The following NID1 variants were observed in gnomAD, a reference collection of about 807,000 sequenced individuals.
The protein encoded by NID1 is nidogen 1.
A neutral mutation model predicts 130.6 loss-of-function variants in NID1; 76 were observed. The ratio of observed to expected loss-of-function variants is 0.58; its 90% CI spans 0.48 to 0.70. NID1 has a LOEUF of 0.70. Ranked by LOEUF, NID1 falls within the 30% of genes least tolerant of loss-of-function variation. The pLI, the probability that NID1 is intolerant of heterozygous loss-of-function variation, is 0.00. For synonymous variants in NID1, 665 were observed against 675.1 expected (o/e 0.98, Z 0.23); for missense variants, 1,517 against 1,664.8 (o/e 0.91, Z 1.54).
chr1:236,044,339 A>G (rs1447947351), intron 3 of NID1, among the ~76,000 whole-genome samples: 1 of 152,246 alleles, frequency 6.6e-6, no homozygotes, highest in African/African-American at 2.4e-5. Context: ...ATTTTTTAAA[A>G]GGAAAAAATA....
intron 1 of NID1, among the ~76,000 whole-genome samples, chr1:236,060,084 G>A (rs1659998260): frequency 7.0e-6 from 1 of 143,406 alleles, no homozygotes; most frequent in Non-Finnish European, 1.5e-5. Context: ...TGGTGACAGA[G>A]TGAGACTCAG....
At chr1:236,010,633 G>A (rs538920816) in intron 12 of NID1, among the ~76,000 whole-genome samples, 1 of 152,320 alleles carries the variant, frequency 6.6e-6, no homozygotes, top group East Asian at 1.9e-4. Context: ...AGAGCTTACA[G>A]TCTCTGTCAC....
Position 235,976,734 on chromosome 1 carries a change from C to T in NID1, c.*1133G>A, listed in dbSNP as rs1406042008. The T allele has an allele frequency of 6.6e-6, 1 of 152,064 alleles. No homozygotes were observed. The highest frequency in any genetic ancestry group is 1.5e-5 in the Non-Finnish European group (1 of 68,012). 9.4% of individuals were successfully genotyped at this position (152,064 alleles called of 1,614,324 possible). A position where few individuals can be genotyped will look rare whatever the true frequency, so the allele number is the denominator to read the frequency against. On this transcript the variant is annotated 3_prime_UTR_variant, in exon 20 of 20. Coordinates refer to ENST00000264187, the MANE Select transcript of NID1 (RefSeq NM_002508.3). ...TCATTGAGCAATAAAGGATATGAACCATTAGTATAAATATTCAATTCAGTC... is the reference window on the plus strand; with the variant it reads ...TCATTGAGCAATAAAGGATATGAACTATTAGTATAAATATTCAATTCAGTC...
In NID1 at chr1:236,064,855, G is replaced by A. The variant is rs750871314; in HGVS notation, c.225C>T (p.Tyr75=). Reference sequence around the variant, plus strand: ...GCCCGCCCTCCCGGGGCTCACTCACGTAGACTGCGTCGATGTCGGATCTGT... The same window carrying A: ...GCCCGCCCTCCCGGGGCTCACTCACATAGACTGCGTCGATGTCGGATCTGT... The part of the protein sequence containing the change: ...FYDRSDIDAV[Y]VTTNGIIATS... Residue 75 remains tyrosine (Y), a splice_region_variant and synonymous_variant, in exon 1 of 20, where the codon TAC becomes TAT. Coordinates refer to ENST00000264187, the MANE Select transcript of NID1 (RefSeq NM_002508.3). 10 of 1,610,120 alleles carry A rather than the reference G, an allele frequency of 6.2e-6. No homozygotes were observed. Among genetic ancestry groups the A allele is most frequent in the Non-Finnish European group, 8.5e-6 (10 of 1,178,670 alleles).
chr1:236,010,339 C>T lies in NID1; in HGVS notation c.2527+1582G>A, dbSNP rs528927135. On this transcript the variant is annotated intron_variant, in intron 12 of 19. Transcript: ENST00000264187. ...TTTTTTTTTGAGACAGAATCTCACT[C>T]TGTCACCCAGGATGGGGTGTAGAGT... Among the ~76,000 whole-genome samples, 303 of 134,458 alleles carry T rather than the reference C, an allele frequency of 2.3e-3. 1 individual carries two copies. The highest frequency in any genetic ancestry group is 8.2e-3 in the African/African-American group (295 of 35,884). 88.2% of individuals were successfully genotyped at this position (134,458 alleles called of 152,430 possible).
At chr1:236,026,678 G>T (rs990799214) in intron 7 of NID1, among the ~76,000 whole-genome samples, 1 of 151,884 alleles carries the variant, frequency 6.6e-6, no homozygotes, top group Non-Finnish European at 1.5e-5. Context: ...CTGTCACAAC[G>T]TGCTAACTGC....
intron 12 of NID1, among the ~76,000 whole-genome samples, chr1:235,994,496 T>C (rs1190777308): frequency 6.6e-6 from 1 of 152,226 alleles, no homozygotes; most frequent in Non-Finnish European, 1.5e-5. Context: ...ATTCTTTCAC[T>C]TAGCAGAATG....
intron 12 of NID1, among the ~76,000 whole-genome samples, chr1:236,007,579 TTCTC>T (rs149604439): frequency 6.6e-6 from 1 of 151,230 alleles, no homozygotes; most frequent in Non-Finnish European, 1.5e-5. Context: ...CAGTCTCTCT[TTCTC>T]TCTCTCTCTC....
intron 3 of NID1, among the ~76,000 whole-genome samples, chr1:236,045,074 C>G (rs2102842614): frequency 6.6e-6 from 1 of 152,068 alleles, no homozygotes; most frequent in East Asian, 1.9e-4. Context: ...TGGCACACAC[C>G]TGTAATCCCA....
intron 14 of NID1, among the ~76,000 whole-genome samples, 155 bp from the exon 15 acceptor site, chr1:235,985,660 T>C (rs998613799): frequency 6.6e-6 from 1 of 152,216 alleles, no homozygotes; most frequent in Non-Finnish European, 1.5e-5. Context: ...GTAGGAGTTG[T>C]TCGTATATTT....
chr1:236,020,028 C>T (rs1031476780), intron 9 of NID1, among the ~76,000 whole-genome samples: 2 of 128,454 alleles, frequency 1.6e-5, no homozygotes, highest in South Asian at 5.3e-4. Context: ...CAGAGCAAGA[C>T]TCTGCCTTAA....
At chr1:236,032,180 A>G (rs1312728461) in intron 6 of NID1, among the ~76,000 whole-genome samples, 1 of 152,192 alleles carries the variant, frequency 6.6e-6, no homozygotes, top group African/African-American at 2.4e-5. Context: ...AATTCTAGGC[A>G]GTCTCAGTTG....
At chr1:235,996,925 C>T (rs1657942692) in intron 12 of NID1, among the ~76,000 whole-genome samples, 1 of 152,088 alleles carries the variant, frequency 6.6e-6, no homozygotes, top group African/African-American at 2.4e-5. Context: ...AACTCTGCCT[C>T]CCGGGTTCAA....
intron 13 of NID1, 57 bp from the exon 14 acceptor site, chr1:235,991,115 G>A: frequency 2.2e-6 from 3 of 1,339,678 alleles, no homozygotes; most frequent in South Asian, 1.4e-5. Flanking sequence ...ACACACAGAT[G>A]CACACACACA....
intron 7 of NID1, among the ~76,000 whole-genome samples, chr1:236,026,801 C>T (rs901373726): frequency 1.1e-4 from 16 of 150,644 alleles, no homozygotes; most frequent in African/African-American, 3.4e-4. Context: ...AGCAGTGGCA[C>T]GATCATGGCT....
At chr1:236,034,012 G>C (rs548512712) in intron 5 of NID1, among the ~76,000 whole-genome samples, 4 of 152,166 alleles carry the variant, frequency 2.6e-5, no homozygotes, top group African/African-American at 2.4e-5. Flanking sequence ...GAACACAAAT[G>C]TTCTTAGCAG....
intron 14 of NID1, among the ~76,000 whole-genome samples, chr1:235,987,524 T>C (rs963409311): frequency 2.0e-5 from 3 of 152,186 alleles, no homozygotes; most frequent in African/African-American, 7.2e-5. Context: ...AGCACAAACT[T>C]TTCCCTTGAT....
chr1:236,049,740 T>C (rs933643457), intron 1 of NID1, among the ~76,000 whole-genome samples: 12 of 152,154 alleles, frequency 7.9e-5, no homozygotes, highest in Non-Finnish European at 1.6e-4. Flanking sequence ...GAAGAACCTC[T>C]TAAGACTAGG....
At chr1:236,013,109 C>T (rs1035292221) in intron 11 of NID1, among the ~76,000 whole-genome samples, 1 of 152,152 alleles carries the variant, frequency 6.6e-6, no homozygotes, top group Admixed American at 6.6e-5. Flanking sequence ...TGTAAAAGGA[C>T]AGTTTGTCTC....
Sources: gnomAD v4.1 joint callset for allele counts (sites outside exome capture counted in the v4.1 genomes callset) on GRCh38, gnomAD v4.1.1 for gene constraint, MANE v1.5 for transcripts, NCBI Gene and HGNC (gene_info 2026-07-23, HGNC 2026-07-21) for gene names.